The following SPTBN1 variants were observed in gnomAD, a reference collection of about 807,000 sequenced individuals.
SPTBN1 encodes spectrin beta chain, non-erythrocytic 1.
In SPTBN1, 32 loss-of-function variants were observed where a neutral mutation model predicts 266.4. That is an observed-to-expected ratio of 0.12 (90% confidence interval 0.09 to 0.16). The LOEUF (loss-of-function observed/expected upper bound fraction) is 0.16, where lower values mean the gene tolerates loss of function less well. SPTBN1 is among the 10% of genes least tolerant of loss of function. The pLI is 1.00. For synonymous variants in SPTBN1, 1,336 were observed against 1,162.2 expected (o/e 1.15, Z -3.04); for missense variants, 2,296 against 3,067.1 (o/e 0.75, Z 5.94).
chr2:54,538,770 G>A (rs1033338444), intron 2 of SPTBN1, among the ~76,000 whole-genome samples: 2 of 152,178 alleles, frequency 1.3e-5, no homozygotes, highest in African/African-American at 2.4e-5. Flanking sequence ...TTCTGCAGAC[G>A]CCTTAGACTT....
At position 54,655,962 on chromosome 2, in the gene SPTBN1, G is replaced by A. The variant is rs753842009; in HGVS notation, c.6010G>A (p.Asp2004Asn). The A allele has an allele frequency of 5.0e-6, 8 of 1,613,440 alleles. No homozygotes were observed. The East Asian group carries it at 8.9e-5, about 18-fold the overall frequency. Residue 2004 changes from aspartate to asparagine, a missense_variant, in exon 29 of 36, where the codon GAC (aspartate) becomes AAC (asparagine). Physicochemically the swap from Asp to Asn is conservative, Grantham distance 23. Transcript: ENST00000356805. Reference sequence around the variant, plus strand: ...GACGGAAAAGAGGAAAGAAATGATCGACAAGTGGGAAGACCGATGGGAATG... The same window carrying A: ...GACGGAAAAGAGGAAAGAAATGATCAACAAGTGGGAAGACCGATGGGAATG... ...QLTEKRKEMI[D>N]KWEDRWEWLR... is the part of the protein sequence containing the mutation.
At chr2:54,613,255 C>T (rs1254148664) in intron 4 of SPTBN1, among the ~76,000 whole-genome samples, 2 of 152,228 alleles carry the variant, frequency 1.3e-5, no homozygotes, top group African/African-American at 4.8e-5. Context: ...CCTGTCTCCT[C>T]AGTGACTGTG....
At chr2:54,658,814 C>T (rs746242906) in intron 30 of SPTBN1, among the ~76,000 whole-genome samples, 2 of 152,200 alleles carry the variant, frequency 1.3e-5, no homozygotes, top group African/African-American at 2.4e-5. Context: ...CTGAGCTCTC[C>T]TGGGGAGTCC....
At chr2:54,517,157 C>T (rs1377615382) in intron 1 of SPTBN1, among the ~76,000 whole-genome samples, 2 of 150,828 alleles carry the variant, frequency 1.3e-5, no homozygotes, top group South Asian at 2.1e-4. Context: ...TGTCCATCCT[C>T]CCCTTTTCCA....
At position 54,629,880 on chromosome 2, in the gene SPTBN1, T is replaced by C; in HGVS notation, c.2670-12T>C. On this transcript the variant is annotated splice_polypyrimidine_tract_variant and intron_variant, in intron 14 of 35. Transcript: ENST00000356805. Reference sequence around the variant, plus strand: ...CCCAGGAGGTGACCACCCTGTCAAATTGCCATTTCAGATTTGAGAGCCTAG... The same window carrying C: ...CCCAGGAGGTGACCACCCTGTCAAACTGCCATTTCAGATTTGAGAGCCTAG... The C allele has an allele frequency of 6.2e-7, 1 of 1,613,992 alleles. No homozygotes were observed. The highest frequency in any genetic ancestry group is 8.5e-7 in the Non-Finnish European group (1 of 1,180,016).
chr2:54,641,629 A>G (rs1233250382), intron 18 of SPTBN1, among the ~76,000 whole-genome samples: 1 of 152,174 alleles, frequency 6.6e-6, no homozygotes, highest in Non-Finnish European at 1.5e-5. Context: ...ACAAAGAGTG[A>G]AATCAAAAAT....
intron 1 of SPTBN1, among the ~76,000 whole-genome samples, chr2:54,523,867 C>G (rs1670635517): frequency 6.6e-6 from 1 of 152,296 alleles, no homozygotes; most frequent in South Asian, 2.1e-4. Flanking sequence ...AAGTGAGCAT[C>G]CAGCTACAAA....
chr2:54,610,125 C>T (rs1386187824), intron 3 of SPTBN1, among the ~76,000 whole-genome samples: 1 of 143,866 alleles, frequency 7.0e-6, no homozygotes, highest in Non-Finnish European at 1.5e-5. Flanking sequence ...TCTGCTGCCT[C>T]TTGGTCAGCA....
rs865983288 is a variant in SPTBN1 at position 54,668,737 on chromosome 2, A to G, written c.*168A>G. On this transcript the variant is annotated 3_prime_UTR_variant, in exon 36 of 36. Transcript: ENST00000356805. ...CGGGGGGGGTGGGGGAAACACACCT[A>G]AACACTTTATCTCCAAGTTACAAAA... 4.8e-5 allele frequency: 30 copies of G among 627,518 alleles called. No individual in the cohort carries two copies. Among genetic ancestry groups the G allele is most frequent in the Middle Eastern group, 4.4e-4 (1 of 2,278 alleles). 38.9% of individuals were successfully genotyped at this position (627,518 alleles called of 1,614,324 possible).
intron 2 of SPTBN1, among the ~76,000 whole-genome samples, chr2:54,559,049 A>G (rs956868319): frequency 6.6e-6 from 1 of 152,180 alleles, no homozygotes. Flanking sequence ...GCAGTTGCTC[A>G]TACTCCACTC....
intron 2 of SPTBN1, among the ~76,000 whole-genome samples, chr2:54,568,845 C>G (rs1309124750): frequency 6.6e-6 from 1 of 152,156 alleles, no homozygotes; most frequent in East Asian, 1.9e-4. Context: ...TACTTTAAAA[C>G]TATTTTTTTC....
intron 1 of SPTBN1, among the ~76,000 whole-genome samples, chr2:54,475,642 G>A (rs907413618): frequency 5.9e-5 from 9 of 151,878 alleles, no homozygotes; most frequent in African/African-American, 1.7e-4. Flanking sequence ...GCCACAGAAC[G>A]GCATTCTTAC....
At chr2:54,466,146 A>T (rs1693620518) in intron 1 of SPTBN1, among the ~76,000 whole-genome samples, 1 of 152,212 alleles carries the variant, frequency 6.6e-6, no homozygotes, top group Non-Finnish European at 1.5e-5. Flanking sequence ...TCTGCTCTAG[A>T]ATCGAGAATG....
chr2:54,616,370 AG>A, intron 5 of SPTBN1, 72 bp downstream of exon 5: 4 of 1,298,078 alleles, frequency 3.1e-6, no homozygotes, highest in South Asian at 1.4e-5. Flanking sequence ...ATCACTTAGA[AG>A]GTGTTGACAG....
intron 3 of SPTBN1, among the ~76,000 whole-genome samples, chr2:54,604,706 G>A (rs1364356210): frequency 6.6e-6 from 1 of 152,176 alleles, no homozygotes; most frequent in African/African-American, 2.4e-5. Context: ...AAGAAGATGG[G>A]CCTGGGATGG....
chr2:54,604,292 C>T (rs1451502596), intron 3 of SPTBN1, among the ~76,000 whole-genome samples: 1 of 152,126 alleles, frequency 6.6e-6, no homozygotes, highest in Non-Finnish European at 1.5e-5. Flanking sequence ...TGCCAGAAAC[C>T]TTCCCTTATA....
intron 2 of SPTBN1, among the ~76,000 whole-genome samples, chr2:54,559,313 G>C (rs1300427360): frequency 1.3e-5 from 2 of 152,142 alleles, no homozygotes; most frequent in Admixed American, 1.3e-4. Context: ...TAGAACAATA[G>C]CAAAGGGGAG....
At chr2:54,523,344 TTC>T (rs1306261229) in intron 1 of SPTBN1, among the ~76,000 whole-genome samples, 1 of 152,250 alleles carries the variant, frequency 6.6e-6, no homozygotes, top group Non-Finnish European at 1.5e-5. Flanking sequence ...AGGATTTTAC[TTC>T]CATTCAGGAT....
chr2:54,621,990 T>A (rs1678020150), intron 8 of SPTBN1, among the ~76,000 whole-genome samples: 1 of 152,200 alleles, frequency 6.6e-6, no homozygotes, highest in Non-Finnish European at 1.5e-5. Flanking sequence ...CCCTTTTTGT[T>A]TCTCTAGGGA....
Sources: allele counts gnomAD v4.1 joint callset (sites outside exome capture counted in the v4.1 genomes callset), GRCh38; gene constraint gnomAD v4.1.1; transcripts MANE v1.5; gene names NCBI Gene and HGNC (gene_info 2026-07-23, HGNC 2026-07-21).